Variants in AGPAT3 observed in about 807,000 individuals in gnomAD.
AGPAT3 encodes the protein 1-acyl-sn-glycerol-3-phosphate acyltransferase gamma.
Under a neutral mutation model 47.3 loss-of-function variants are expected in AGPAT3, and 5 were observed. The ratio of observed to expected loss-of-function variants is 0.11; its 90% CI spans 0.06 to 0.22. The LOEUF is 0.22. Among genes scored for constraint, AGPAT3 ranks in the 10% least tolerant of loss-of-function variants. AGPAT3 has a pLI of 1.00. For synonymous variants in AGPAT3, 212 were observed against 208.3 expected (o/e 1.02, Z -0.15); for missense variants, 315 against 493.0 (o/e 0.64, Z 3.42).
chr21:43,930,834 C>G lies in AGPAT3; in HGVS notation c.-49+26815C>G, dbSNP rs2146276566. ...GGCAGGCCAGTGTGCGGTCCTCAAG[C>G]TGCTGGTGACAAACGCAAGGGGCCT... On this transcript the variant is annotated intron_variant, in intron 2 of 9. Coordinates refer to ENST00000291572, the MANE Select transcript of AGPAT3 (RefSeq NM_020132.5). This position sits in a 1 kb window ranked among gnomAD's most constrained non-coding sequence, Gnocchi z 5.0. Among the ~76,000 whole-genome samples the G allele has an allele frequency of 6.6e-6, 1 of 152,278 alleles. No homozygotes were observed. Among genetic ancestry groups the G allele is most frequent in the Admixed American group, 6.5e-5 (1 of 15,304 alleles).
chr21:43,958,287 G>A (rs911209250), intron 2 of AGPAT3, among the ~76,000 whole-genome samples: 6 of 152,018 alleles, frequency 3.9e-5, no homozygotes, highest in Non-Finnish European at 5.9e-5. Flanking sequence ...TTGTGTGTGT[G>A]AGACTGTGGT....
chr21:43,946,618 G>A (rs900436315), intron 2 of AGPAT3, among the ~76,000 whole-genome samples: 1 of 151,770 alleles, frequency 6.6e-6, no homozygotes, highest in African/African-American at 2.4e-5. Context: ...AAAAAAAAGT[G>A]CATGAGACAT....
At chr21:43,902,876 T>C (rs1379210305) in intron 1 of AGPAT3, among the ~76,000 whole-genome samples, 4 of 152,200 alleles carry the variant, frequency 2.6e-5, no homozygotes, top group African/African-American at 9.7e-5. Context: ...GGCATGCACC[T>C]GTAGTCCTAG....
At chr21:43,901,996 T>C (rs1462384670) in intron 1 of AGPAT3, among the ~76,000 whole-genome samples, 1 of 152,106 alleles carries the variant, frequency 6.6e-6, no homozygotes, top group African/African-American at 2.4e-5. Context: ...GCGTGTGTGG[T>C]AGAAAATACC....
rs1441673069 is a variant in AGPAT3, at chr21:43,955,663, T to G, written c.-48-3971T>G. Among the ~76,000 whole-genome samples the G allele has an allele frequency of 6.6e-6, 1 of 151,888 alleles. No homozygotes were observed. Among genetic ancestry groups the G allele is most frequent in the Admixed American group, 6.5e-5 (1 of 15,280 alleles). On this transcript the variant is annotated intron_variant, in intron 2 of 9. Transcript: ENST00000291572. This position sits in a 1 kb window ranked among gnomAD's most constrained non-coding sequence, Gnocchi z 4.1. ...GCTCACACCTGTAATCCCAGCGCTT[T>G]GGGAGGTCGAGTTGGGCGGATTACC... is the stretch of plus-strand genomic sequence containing the variant.
chr21:43,874,322 G>A (rs1421501402), intron 1 of AGPAT3, among the ~76,000 whole-genome samples: 3 of 152,180 alleles, frequency 2.0e-5, no homozygotes, highest in African/African-American at 7.2e-5. Flanking sequence ...CACCACGCCC[G>A]GTCCTGTCAT....
chr21:43,893,240 T>G (rs1005358912), intron 1 of AGPAT3, among the ~76,000 whole-genome samples: 18 of 152,248 alleles, frequency 1.2e-4, no homozygotes, highest in Admixed American at 7.2e-4. Flanking sequence ...CTTCTTTTCT[T>G]AAATCTCCTG....
At chr21:43,938,805 G>C (rs75628581) in intron 2 of AGPAT3, among the ~76,000 whole-genome samples, 1 of 152,206 alleles carries the variant, frequency 6.6e-6, no homozygotes, top group African/African-American at 2.4e-5. Flanking sequence ...TCCAGGAGTG[G>C]CTTAGCGGGC....
Position 43,969,299 on chromosome 21 carries a change from C to T in AGPAT3, c.510+20C>T, listed in dbSNP as rs372578427. 14 of 1,612,728 alleles carry T rather than the reference C, an allele frequency of 8.7e-6. No individual in the cohort carries two copies. Among genetic ancestry groups the T allele is most frequent in the African/African-American group, 6.7e-5 (5 of 74,908 alleles). ...ATGTGGGTGAGTGCGCGGAGCAGCC[C>T]GATACCCTGCATGCCTGGAGGAGGC... On this transcript the variant is annotated intron_variant, in intron 5 of 9. Coordinates refer to ENST00000291572, the MANE Select transcript of AGPAT3 (RefSeq NM_020132.5).
intron 1 of AGPAT3, among the ~76,000 whole-genome samples, chr21:43,892,272 A>G (rs1417387477): frequency 6.6e-6 from 1 of 151,302 alleles, no homozygotes; most frequent in Non-Finnish European, 1.5e-5. Context: ...ATGCCACTGC[A>G]CTCCAGCCCG....
At position 43,948,001 on chromosome 21, in the gene AGPAT3, G is replaced by A. The variant is rs546719472; in HGVS notation, c.-48-11633G>A. Reference sequence around the variant, plus strand: ...AATGTATATTGAATACGAGCCATTCGCTTAGAAAACATTGATCAAGCATCT... The same window carrying A: ...AATGTATATTGAATACGAGCCATTCACTTAGAAAACATTGATCAAGCATCT... On this transcript the variant is annotated intron_variant, in intron 2 of 9. Transcript: ENST00000291572. 5.3e-5 allele frequency among the ~76,000 whole-genome samples: 8 copies of A among 152,324 alleles called. No homozygotes were observed. The South Asian group carries it at 6.2e-4, about 12-fold the overall frequency.
intron 2 of AGPAT3, among the ~76,000 whole-genome samples, chr21:43,949,683 T>G (rs980881520): frequency 1.3e-5 from 2 of 152,180 alleles, no homozygotes; most frequent in Non-Finnish European, 2.9e-5. Flanking sequence ...CACACGGGGT[T>G]TTTCCATTTG....
At chr21:43,882,191 C>T (rs756403282) in intron 1 of AGPAT3, among the ~76,000 whole-genome samples, 3 of 152,248 alleles carry the variant, frequency 2.0e-5, no homozygotes, top group Admixed American at 1.3e-4. Context: ...CCCGCCCTGC[C>T]GGGCCCCACA....
chr21:43,971,304 C>T, intron 6 of AGPAT3, 84 bp from the exon 7 acceptor site: 1 of 1,231,468 alleles, frequency 8.1e-7, no homozygotes, highest in Non-Finnish European at 1.2e-6. Context: ...GGGGCCGGGT[C>T]CCAGGTGGAA....
At chr21:43,877,372 T>A (rs2085756792) in intron 1 of AGPAT3, among the ~76,000 whole-genome samples, 1 of 152,218 alleles carries the variant, frequency 6.6e-6, no homozygotes, top group African/African-American at 2.4e-5. Flanking sequence ...CAGTAATAGT[T>A]AAAGGGCATG....
At chr21:43,929,013 G>A (rs895031312) in intron 2 of AGPAT3, among the ~76,000 whole-genome samples, 2 of 152,228 alleles carry the variant, frequency 1.3e-5, no homozygotes, top group African/African-American at 4.8e-5. Flanking sequence ...AGGAAGCAGA[G>A]TGTGCCACCC....
At chr21:43,891,079 C>T (rs548055580) in intron 1 of AGPAT3, among the ~76,000 whole-genome samples, 144 of 152,268 alleles carry the variant, frequency 9.5e-4, no homozygotes, top group Admixed American at 2.2e-3. Context: ...CAGACCAATA[C>T]GGACAGCAAT....
chr21:43,969,045 C>A, intron 4 of AGPAT3, 73 bp from the exon 5 acceptor site: 1 of 1,513,894 alleles, frequency 6.6e-7, no homozygotes, highest in Non-Finnish European at 9.0e-7. Context: ...CTGGGTGCAG[C>A]GGGAGCCTGG....
chr21:43,966,528 GT>G (rs936572103), intron 3 of AGPAT3: 1 of 152,230 alleles, frequency 6.6e-6, no homozygotes, highest in Non-Finnish European at 1.5e-5. Context: ...CAAACCCTGA[GT>G]TCCCTCTCTC....
Sources: gnomAD v4.1 joint callset for allele counts (sites outside exome capture counted in the v4.1 genomes callset) on GRCh38, gnomAD v4.1.1 for gene constraint, Gnocchi (gnomAD v3.1) non-coding constraint, MANE v1.5 for transcripts, NCBI Gene and HGNC (gene_info 2026-07-23, HGNC 2026-07-21) for gene names.